NEK10: variants seen among roughly 807,000 people sequenced by gnomAD.
NEK10 encodes the protein serine/threonine-protein kinase Nek10.
In NEK10, 122 loss-of-function variants were observed where a neutral mutation model predicts 159.8. The observed-to-expected ratio is 0.76, with a 90% CI of 0.66 to 0.89. The LOEUF (loss-of-function observed/expected upper bound fraction) is 0.89, where lower values mean the gene tolerates loss of function less well. Ranked by LOEUF, NEK10 falls within the 40% of genes least tolerant of loss-of-function variation. The pLI is 0.00. For missense variants in NEK10, 1,342 were observed against 1,323.1 expected (o/e 1.01, Z -0.22); for synonymous variants, 466 against 457.1 (o/e 1.02, Z -0.25).
intron 23 of NEK10, among the ~76,000 whole-genome samples, chr3:27,225,385 G>A (rs1238920650): frequency 6.6e-6 from 1 of 152,126 alleles, no homozygotes; most frequent in Non-Finnish European, 1.5e-5. Flanking sequence ...ATCCAATCAA[G>A]TTGACACTCA....
At chr3:27,166,259 T>C (rs1031479513) in intron 29 of NEK10, among the ~76,000 whole-genome samples, 1 of 152,168 alleles carries the variant, frequency 6.6e-6, no homozygotes, top group East Asian at 1.9e-4. Flanking sequence ...GACAACAAAG[T>C]AGTATAATGC....
chr3:27,273,781 C>G (rs2041557555), intron 22 of NEK10, among the ~76,000 whole-genome samples: 1 of 152,162 alleles, frequency 6.6e-6, no homozygotes, highest in African/African-American at 2.4e-5. Context: ...TCTACTCTTT[C>G]CTGCTGCCTC....
intron 3 of NEK10, among the ~76,000 whole-genome samples, chr3:27,348,896 C>T (rs2047763567): frequency 6.6e-6 from 1 of 152,072 alleles, no homozygotes; most frequent in Admixed American, 6.5e-5. Context: ...CACTTTGTTC[C>T]CAGTCTCTTT....
In NEK10 at chr3:27,106,741, C is replaced by T. The variant is rs1368605534; in HGVS notation, c.*4531G>A. On this transcript the variant is annotated 3_prime_UTR_variant, in exon 36 of 36. Transcript: ENST00000691995. ...GTTTTTCACATGTTTGCAAAAACTT[C>T]GGCTAATTTTTCATTTGTGAACTCA... Among the ~76,000 whole-genome samples the T allele has an allele frequency of 4.6e-5, 7 of 152,260 alleles. No individual in the cohort carries two copies. In the South Asian group the frequency reaches 8.3e-4, roughly 18 times the overall value.
At chr3:27,285,137 G>C (rs906740929) in intron 20 of NEK10, among the ~76,000 whole-genome samples, 176 bp from the exon 21 acceptor site, 7 of 152,104 alleles carry the variant, frequency 4.6e-5, no homozygotes, top group African/African-American at 1.7e-4. Flanking sequence ...GGAGGTGAGG[G>C]GGTCTTAGGG....
At chr3:27,184,211 T>C (rs1948400317) in intron 26 of NEK10, among the ~76,000 whole-genome samples, 1 of 152,172 alleles carries the variant, frequency 6.6e-6, no homozygotes, top group Non-Finnish European at 1.5e-5. Flanking sequence ...ATAAACAAAT[T>C]ACGGTGTAGT....
At chr3:27,265,318 C>A (rs771025241) in intron 22 of NEK10, among the ~76,000 whole-genome samples, 20 of 152,170 alleles carry the variant, frequency 1.3e-4, no homozygotes, top group Non-Finnish European at 2.1e-4. Flanking sequence ...ATTACTGGAT[C>A]ATATTATAAG....
chr3:27,308,700 T>A (rs2044437951), intron 10 of NEK10, among the ~76,000 whole-genome samples: 1 of 152,206 alleles, frequency 6.6e-6, no homozygotes. Context: ...AGACTAAATA[T>A]TTCCAGTCAG....
At position 27,314,224 on chromosome 3, in the gene NEK10, T is replaced by C. The variant is rs1375382406; in HGVS notation, c.489+73A>G. 11 of 1,062,582 alleles carry C rather than the reference T, an allele frequency of 1.0e-5. No homozygotes were observed. The East Asian group carries it at 2.5e-4, about 24-fold the overall frequency. 65.8% of individuals were successfully genotyped at this position (1,062,582 alleles called of 1,614,324 possible). On this transcript the variant is annotated intron_variant, in intron 7 of 35. Coordinates refer to ENST00000691995, the MANE Select transcript of NEK10 (RefSeq NM_001394966.1). ...CATAGGAAAGCCACCTTCTGTCACA[T>C]ACCCTTTTAATTCTTGCTCATAGCA...
chr3:27,141,362 T>C, intron 31 of NEK10, 120 bp downstream of exon 31: 1 of 655,048 alleles, frequency 1.5e-6, no homozygotes, highest in East Asian at 2.7e-5. Flanking sequence ...CCCACATGTA[T>C]GTAGCTGGGG....
chr3:27,162,462 A>G (rs1178343140), intron 30 of NEK10: 6 of 1,614,094 alleles, frequency 3.7e-6, no homozygotes, highest in Admixed American at 1.7e-5. Context: ...AAGTACTACC[A>G]TGATCTTTGA....
Position 27,278,052 on chromosome 3 carries a change from G to A in NEK10, c.2014+6550C>T, listed in dbSNP as rs542343110. Among the ~76,000 whole-genome samples the A allele has an allele frequency of 5.3e-5, 8 of 152,174 alleles. No individual in the cohort carries two copies. The East Asian group carries it at 1.4e-3, about 26-fold the overall frequency. ...GGCTTTGCCTAAATGGAACAAATAT[G>A]GTCTTTGTCATGTATTCTTCCTTTT... On this transcript the variant is annotated intron_variant, in intron 22 of 35. Transcript: ENST00000691995.
chr3:27,210,175 CT>C (rs1950882112), intron 23 of NEK10, among the ~76,000 whole-genome samples: 1 of 152,156 alleles, frequency 6.6e-6, no homozygotes, highest in African/African-American at 2.4e-5. Context: ...AGAAAAGGAA[CT>C]TGTTTCTTAC....
intron 25 of NEK10, among the ~76,000 whole-genome samples, chr3:27,199,170 C>CT (rs1949824254): frequency 6.6e-6 from 1 of 150,954 alleles, no homozygotes; most frequent in Non-Finnish European, 1.5e-5. Context: ...ACAGAGTAAA[C>CT]AGACAATCTA....
chr3:27,257,928 A>C (rs2149332472), intron 22 of NEK10, among the ~76,000 whole-genome samples: 1 of 151,754 alleles, frequency 6.6e-6, no homozygotes, highest in Non-Finnish European at 1.5e-5. Flanking sequence ...CGCTGGGACT[A>C]CAGGAGCCCG....
chr3:27,234,402 C>A (rs1295023009), intron 23 of NEK10, among the ~76,000 whole-genome samples: 1 of 152,118 alleles, frequency 6.6e-6, no homozygotes, highest in Non-Finnish European at 1.5e-5. Context: ...AGCTGGTGAT[C>A]AACTTCAGCA....
At chr3:27,261,699 G>C (rs2040426263) in intron 22 of NEK10, among the ~76,000 whole-genome samples, 1 of 152,210 alleles carries the variant, frequency 6.6e-6, no homozygotes, top group African/African-American at 2.4e-5. Context: ...TGGATATTCT[G>C]TTGATTTGGG....
At chr3:27,165,501 C>T (rs1946395554) in intron 29 of NEK10, among the ~76,000 whole-genome samples, 1 of 152,186 alleles carries the variant, frequency 6.6e-6, no homozygotes, top group Non-Finnish European at 1.5e-5. Flanking sequence ...ACACAGAGAA[C>T]ATTCCAGAAA....
chr3:27,145,949 C>T (rs1944257971), intron 30 of NEK10, among the ~76,000 whole-genome samples: 1 of 152,130 alleles, frequency 6.6e-6, no homozygotes, highest in Admixed American at 6.5e-5. Flanking sequence ...TTCTACCATG[C>T]AAGGACACAG....
Sources: gnomAD v4.1 joint callset for allele counts (sites outside exome capture counted in the v4.1 genomes callset) on GRCh38, gnomAD v4.1.1 for gene constraint, MANE v1.5 for transcripts, NCBI Gene and HGNC (gene_info 2026-07-23, HGNC 2026-07-21) for gene names.